The following HECW2 variants were observed in gnomAD, a reference collection of about 807,000 sequenced individuals.
HECW2 encodes E3 ubiquitin-protein ligase HECW2.
In HECW2, 61 loss-of-function variants were observed where a neutral mutation model predicts 175.2. The ratio of observed to expected loss-of-function variants is 0.35; its 90% CI spans 0.28 to 0.43. The LOEUF (loss-of-function observed/expected upper bound fraction) is 0.43, where lower values mean the gene tolerates loss of function less well. Ranked by LOEUF, HECW2 falls within the 20% of genes least tolerant of loss-of-function variation. The probability of loss-of-function intolerance (pLI) is 1.00; values close to 1 mark genes in which losing one functional copy is unlikely to be tolerated. For missense variants in HECW2, 1,524 were observed against 2,000.5 expected (o/e 0.76, Z 4.54); for synonymous variants, 671 against 731.0 (o/e 0.92, Z 1.32).
chr2:196,413,942 G>A (rs557509435), intron 2 of HECW2, among the ~76,000 whole-genome samples: 46 of 152,220 alleles, frequency 3.0e-4, no homozygotes, highest in Middle Eastern at 3.4e-3. Context: ...CCATCACCCC[G>A]TGCTTCAAGC....
chr2:196,198,531 C>T lies in HECW2; in HGVS notation c.*2746G>A, dbSNP rs371486491. ...AAGGCAGATTTAGACTCTTGTAGCT[C>T]CATCGTCAAACAAACATCAAACTGG... On this transcript the variant is annotated 3_prime_UTR_variant, in exon 29 of 29. Transcript: ENST00000644978. 8.0e-4 allele frequency: 122 copies of T among 152,306 alleles called. 1 individual carries two copies. Among genetic ancestry groups the T allele is most frequent in the African/African-American group, 2.7e-3 (113 of 41,556 alleles). 9.4% of individuals were successfully genotyped at this position (152,306 alleles called of 1,614,324 possible).
intron 21 of HECW2, chr2:196,239,629 T>C (rs2889154): frequency 0.97 from 148,425 of 152,292 alleles, 72,462 homozygotes; most frequent in East Asian, 1. Flanking sequence ...GAGAACACAA[T>C]CAGACAATTG....
At chr2:196,322,409 C>G in intron 7 of HECW2, 69 bp downstream of exon 7, 1 of 1,364,840 alleles carries the variant, frequency 7.3e-7, no homozygotes, top group Non-Finnish European at 1.0e-6. Flanking sequence ...CTAGGACTAC[C>G]AAGTTTCATG....
intron 1 of HECW2, among the ~76,000 whole-genome samples, chr2:196,541,939 G>A (rs1219313833): frequency 6.6e-6 from 1 of 151,942 alleles, no homozygotes; most frequent in Non-Finnish European, 1.5e-5. Flanking sequence ...TAAATAGCAG[G>A]ACAAACAAAA....
At position 196,395,932 on chromosome 2, in the gene HECW2, G is replaced by T. The variant is rs571446975; in HGVS notation, c.292+37200C>A. ...CTCAAACAGGTATCTGTATGCCCAC[G>T]TTCATAGGAGCACTATTCACAATAG... On this transcript the variant is annotated intron_variant, in intron 2 of 28. Coordinates refer to ENST00000644978, the MANE Select transcript of HECW2 (RefSeq NM_001348768.2). Among the ~76,000 whole-genome samples the T allele has an allele frequency of 4.5e-4, 69 of 152,202 alleles. 1 individual carries two copies. Among genetic ancestry groups the T allele is most frequent in the African/African-American group, 1.6e-3 (65 of 41,522 alleles).
At chr2:196,387,285 A>C (rs1694376387) in intron 2 of HECW2, among the ~76,000 whole-genome samples, 2 of 152,160 alleles carry the variant, frequency 1.3e-5, no homozygotes, top group Admixed American at 1.3e-4. Flanking sequence ...TGTTGACTTC[A>C]AATCCCCAAT....
intron 2 of HECW2, among the ~76,000 whole-genome samples, chr2:196,357,292 C>T (rs771049053): frequency 1.1e-4 from 16 of 150,230 alleles, no homozygotes; most frequent in South Asian, 2.1e-4. Context: ...GACCCAATCT[C>T]GCACTCTTCA....
intron 1 of HECW2, among the ~76,000 whole-genome samples, chr2:196,511,067 G>T (rs1281785067): frequency 6.6e-6 from 1 of 152,142 alleles, no homozygotes; most frequent in African/African-American, 2.4e-5. Context: ...CCAAGTTCAG[G>T]TGATCCATGC....
chr2:196,233,841 T>A (rs1688143573), intron 21 of HECW2, among the ~76,000 whole-genome samples: 1 of 152,208 alleles, frequency 6.6e-6, no homozygotes, highest in African/African-American at 2.4e-5. Context: ...CTCAAACAGC[T>A]TCTAGTGAGG....
At chr2:196,515,164 C>A (rs765578863) in intron 1 of HECW2, among the ~76,000 whole-genome samples, 1 of 152,232 alleles carries the variant, frequency 6.6e-6, no homozygotes, top group African/African-American at 2.4e-5. Context: ...TCGCACAGAG[C>A]CGGCACCTGT....
intron 21 of HECW2, among the ~76,000 whole-genome samples, chr2:196,229,467 C>T (rs1341355631): frequency 6.6e-6 from 1 of 152,112 alleles, no homozygotes; most frequent in Non-Finnish European, 1.5e-5. Flanking sequence ...TGAGATAAGC[C>T]TGGGCAAGGA....
chr2:196,240,298 T>C (rs1388210522), intron 21 of HECW2, 151 bp downstream of exon 21: 6 of 373,760 alleles, frequency 1.6e-5, no homozygotes, highest in Non-Finnish European at 2.4e-5. Context: ...AGGAGACCTT[T>C]AAAAAAAAAA....
chr2:196,383,339 TG>T (rs1694259926), intron 2 of HECW2, among the ~76,000 whole-genome samples: 1 of 152,094 alleles, frequency 6.6e-6, no homozygotes, highest in Admixed American at 6.6e-5. Context: ...AATACAATAA[TG>T]GCACTCAGAA....
At chr2:196,304,443 A>G (rs1691186172) in intron 13 of HECW2, among the ~76,000 whole-genome samples, 3 of 152,150 alleles carry the variant, frequency 2.0e-5, no homozygotes, top group Non-Finnish European at 4.4e-5. Context: ...GTTGCCTCAC[A>G]CCACACTACA....
intron 1 of HECW2, among the ~76,000 whole-genome samples, chr2:196,523,460 C>G (rs1688500596): frequency 6.6e-6 from 1 of 151,106 alleles, no homozygotes; most frequent in Non-Finnish European, 1.5e-5. Flanking sequence ...AATTGAATAC[C>G]CTTTATTTCC....
chr2:196,351,160 T>C (rs1248874508), intron 2 of HECW2, among the ~76,000 whole-genome samples: 2 of 151,912 alleles, frequency 1.3e-5, no homozygotes, highest in Non-Finnish European at 2.9e-5. Flanking sequence ...TTATAAAGAG[T>C]AGTCTTTTAA....
intron 2 of HECW2, among the ~76,000 whole-genome samples, chr2:196,424,269 T>C (rs188996861): frequency 2.4e-4 from 36 of 152,176 alleles, no homozygotes; most frequent in Non-Finnish European, 4.4e-4. Flanking sequence ...CGATCCTCTT[T>C]CTCCCTCTCT....
At chr2:196,287,934 G>A (rs151138208) in intron 14 of HECW2, 2 of 151,694 alleles carry the variant, frequency 1.3e-5, no homozygotes, top group East Asian at 3.9e-4. Context: ...CCATAAATAA[G>A]TCATTCTACA....
At chr2:196,259,065 C>T (rs1689179601) in intron 17 of HECW2, among the ~76,000 whole-genome samples, 1 of 152,196 alleles carries the variant, frequency 6.6e-6, no homozygotes, top group Non-Finnish European at 1.5e-5. Flanking sequence ...CCTCTGCCTC[C>T]TGGGTTCAAA....
Sources: allele counts gnomAD v4.1 joint callset (sites outside exome capture counted in the v4.1 genomes callset), GRCh38; gene constraint gnomAD v4.1.1; transcripts MANE v1.5; gene names NCBI Gene and HGNC (gene_info 2026-07-23, HGNC 2026-07-21).